LIX1: variants seen among roughly 807,000 people sequenced by gnomAD.
LIX1 encodes limb and CNS expressed 1.
In LIX1, 24 loss-of-function variants were observed where a neutral mutation model predicts 33.4. The observed-to-expected ratio is 0.72, with a 90% CI of 0.52 to 1.01. The LOEUF is 1.01. Among genes scored for constraint, LIX1 ranks in the 50% least tolerant of loss-of-function variants. The pLI, the probability that LIX1 is intolerant of heterozygous loss-of-function variation, is 0.00. For missense variants in LIX1, 311 were observed against 339.2 expected, an observed-to-expected ratio of 0.92 and a Z score of 0.65; for synonymous variants, 124 against 124.0, an observed-to-expected ratio of 1.00 and a Z score of 0.00.
chr5:97,136,949 G>A (rs1262872232), intron 1 of LIX1, among the ~76,000 whole-genome samples: 1 of 152,136 alleles, frequency 6.6e-6, no homozygotes, highest in Non-Finnish European at 1.5e-5. Context: ...AAGTAAGAGT[G>A]TTTGGGGTTA....
At chr5:97,109,496 C>T (rs1466484958) in intron 2 of LIX1, among the ~76,000 whole-genome samples, 2 of 152,214 alleles carry the variant, frequency 1.3e-5, no homozygotes, top group Non-Finnish European at 2.9e-5. Context: ...TCAAGCGATC[C>T]ACCTGCCTTG....
chr5:97,120,096 A>G lies in LIX1; in HGVS notation c.246+4370T>C, dbSNP rs370686684. 5.9e-5 allele frequency among the ~76,000 whole-genome samples: 9 copies of G among 152,298 alleles called. No individual in the cohort carries two copies. The East Asian group carries it at 1.5e-3, about 26-fold the overall frequency. On this transcript the variant is annotated intron_variant, in intron 2 of 5. Coordinates refer to ENST00000274382, the MANE Select transcript of LIX1 (RefSeq NM_153234.5). ...AGAGAATCATAAGATATTTTTAATCAATACTTTTAAATTCATCCATTTTCA... is the reference window on the plus strand; with the variant it reads ...AGAGAATCATAAGATATTTTTAATCGATACTTTTAAATTCATCCATTTTCA...
At chr5:97,142,416 C>T in intron 1 of LIX1, 79 bp downstream of exon 1, 1 of 976,888 alleles carries the variant, frequency 1.0e-6, no homozygotes, top group Non-Finnish European at 1.6e-6. Context: ...TAGGAGAAAT[C>T]TTACTTAAAT....
intron 4 of LIX1, chr5:97,102,186 C>G (rs13173677): frequency 0.27 from 40,820 of 151,936 alleles, 6,294 homozygotes; most frequent in African/African-American, 0.43. Context: ...GACGCCCCCC[C>G]ACCCCGCCCC....
intron 1 of LIX1, among the ~76,000 whole-genome samples, chr5:97,139,229 C>A (rs998165304): frequency 6.6e-6 from 1 of 152,178 alleles, no homozygotes; most frequent in African/African-American, 2.4e-5. Context: ...ACATTACTAG[C>A]TTACTGTGAA....
At chr5:97,116,730 G>GTTTCTTTTTTTCAAGTTAAGGTGT (rs1206333580) in intron 2 of LIX1, among the ~76,000 whole-genome samples, 1 of 151,670 alleles carries the variant, frequency 6.6e-6, no homozygotes, top group African/African-American at 2.4e-5. Flanking sequence ...GTGTAGACAA[G>GTTTCTTTTTTTCAAGTTAAGGTGT]ACGAATTGAT....
chr5:97,138,114 A>G (rs1479925210), intron 1 of LIX1, among the ~76,000 whole-genome samples: 1 of 152,206 alleles, frequency 6.6e-6, no homozygotes, highest in African/African-American at 2.4e-5. Flanking sequence ...AATGCACCTC[A>G]AATATGTGAG....
chr5:97,106,671 C>T (rs1747047651), intron 3 of LIX1, among the ~76,000 whole-genome samples: 1 of 151,990 alleles, frequency 6.6e-6, no homozygotes, highest in Non-Finnish European at 1.5e-5. Context: ...GTTGGGAGCT[C>T]CAAATCATTC....
At chr5:97,109,643 G>C in intron 2 of LIX1, among the ~76,000 whole-genome samples, 1 of 152,024 alleles carries the variant, frequency 6.6e-6, no homozygotes, top group Middle Eastern at 3.2e-3. Flanking sequence ...TTCTTTTGCG[G>C]TGATTTCTGG....
chr5:97,121,352 C>G (rs1324534806), intron 2 of LIX1, among the ~76,000 whole-genome samples: 1 of 152,000 alleles, frequency 6.6e-6, no homozygotes, highest in Non-Finnish European at 1.5e-5. Context: ...AGAAAATTGC[C>G]TCTGTTATTT....
chr5:97,124,922 A>G (rs779781122), intron 1 of LIX1, among the ~76,000 whole-genome samples: 10 of 152,196 alleles, frequency 6.6e-5, no homozygotes, highest in Non-Finnish European at 1.3e-4. Flanking sequence ...TTAAAACAAT[A>G]TAGCAGTATT....
intron 2 of LIX1, among the ~76,000 whole-genome samples, chr5:97,119,221 A>G (rs1002133736): frequency 6.6e-5 from 10 of 152,156 alleles, no homozygotes; most frequent in African/African-American, 2.4e-4. Context: ...CTGCTGGCAT[A>G]ATGGTTTCTC....
chr5:97,140,243 T>C (rs1580251012), intron 1 of LIX1, among the ~76,000 whole-genome samples: 1 of 152,180 alleles, frequency 6.6e-6, no homozygotes, highest in Admixed American at 6.5e-5. Context: ...TGTGTGTTTG[T>C]GTGTTTGTGT....
Position 97,096,800 on chromosome 5 carries a change from A to G in LIX1, c.561+10T>C, listed in dbSNP as rs145445415. On this transcript the variant is annotated intron_variant, in intron 5 of 5. Transcript: ENST00000274382. ...ATAACACAGACTTAGACTTGATTAGAAAATCTTACCTGTCGGGAACACTTT... is the reference window on the plus strand; with the variant it reads ...ATAACACAGACTTAGACTTGATTAGGAAATCTTACCTGTCGGGAACACTTT... 1.8e-4 allele frequency: 295 copies of G among 1,604,446 alleles called. 2 individuals are homozygous for G. In the East Asian group the frequency reaches 6.3e-3, roughly 34 times the overall value.
At chr5:97,095,575 G>A (rs527645286) in intron 5 of LIX1, among the ~76,000 whole-genome samples, 1 of 152,174 alleles carries the variant, frequency 6.6e-6, no homozygotes, top group Non-Finnish European at 1.5e-5. Flanking sequence ...TGGTCCAACT[G>A]TCCCACAGTA....
chr5:97,094,674 A>G lies in LIX1; in HGVS notation c.*74T>C. ...AGTACTAGAGATGCTGGAGCCTCTGAGGACCTCTGCACTGAGATTCCTAAT... is the reference window on the plus strand; with the variant it reads ...AGTACTAGAGATGCTGGAGCCTCTGGGGACCTCTGCACTGAGATTCCTAAT... On this transcript the variant is annotated 3_prime_UTR_variant, in exon 6 of 6. Transcript: ENST00000274382. 1 of 1,408,322 alleles carries G rather than the reference A, an allele frequency of 7.1e-7. No homozygotes were observed. Among genetic ancestry groups the G allele is most frequent in the South Asian group, 1.3e-5 (1 of 76,962 alleles). 87.2% of individuals were successfully genotyped at this position (1,408,322 alleles called of 1,614,324 possible). A position where few individuals can be genotyped will look rare whatever the true frequency, so the allele number is the denominator to read the frequency against.
At chr5:97,139,653 C>A (rs1229082027) in intron 1 of LIX1, among the ~76,000 whole-genome samples, 1 of 152,198 alleles carries the variant, frequency 6.6e-6, no homozygotes, top group African/African-American at 2.4e-5. Flanking sequence ...ACTTCCAGTG[C>A]TACTTGTTTT....
In LIX1 at chr5:97,114,163, CAAG is replaced by C. The variant is rs1270212746; in HGVS notation, c.247-6666_247-6664del. Among the ~76,000 whole-genome samples the C allele has an allele frequency of 4.6e-5, 7 of 152,178 alleles. No individual in the cohort carries two copies. In the East Asian group the frequency reaches 1.4e-3, roughly 29 times the overall value. On this transcript the variant is annotated intron_variant, in intron 2 of 5. Transcript: ENST00000274382. ...TACCACACAAGGTTGCTCAGCATTCCAAGAAGTATTGATAACTCTTCAAGAGCA... is the reference window on the plus strand; with the variant it reads ...TACCACACAAGGTTGCTCAGCATTCCAAGTATTGATAACTCTTCAAGAGCA...
intron 1 of LIX1, 103 bp downstream of exon 1, chr5:97,142,392 C>T (rs1748308286): frequency 7.8e-6 from 6 of 768,958 alleles, no homozygotes; most frequent in Non-Finnish European, 6.6e-6. Context: ...ACACAGCATA[C>T]GACTGCAGAG....
Sources: allele counts gnomAD v4.1 joint callset (sites outside exome capture counted in the v4.1 genomes callset), GRCh38; gene constraint gnomAD v4.1.1; transcripts MANE v1.5; gene names NCBI Gene and HGNC (gene_info 2026-07-23, HGNC 2026-07-21).